CTDP1: variants seen among roughly 807,000 people sequenced by gnomAD.
The protein encoded by CTDP1 is RNA polymerase II subunit A C-terminal domain phosphatase.
In CTDP1, 47 loss-of-function variants were observed where a neutral mutation model predicts 91.8. That is an observed-to-expected ratio of 0.51 (90% CI 0.41 to 0.65). The LOEUF (loss-of-function observed/expected upper bound fraction) is 0.65, where lower values mean the gene tolerates loss of function less well. CTDP1 is among the 30% of genes least tolerant of loss of function. The pLI is 0.00. For synonymous variants in CTDP1, 656 were observed against 598.5 expected, an observed-to-expected ratio of 1.10 and a Z score of -1.40; for missense variants, 1,272 against 1,373.7, an observed-to-expected ratio of 0.93 and a Z score of 1.17.
At chr18:79,679,248 G>A, upstream of CTDP1, 1 of 370,626 alleles carries the variant, frequency 2.7e-6, no homozygotes, top group South Asian at 1.9e-5. Context: ...CGGAGGAAGA[G>A]AAGACCGCAA....
At chr18:79,733,181 G>T (rs2086599231) in intron 11 of CTDP1, among the ~76,000 whole-genome samples, 1 of 152,100 alleles carries the variant, frequency 6.6e-6, no homozygotes, top group Non-Finnish European at 1.5e-5. Context: ...CAGGACGGGT[G>T]TGCGTTTGTC....
rs761534995 is a variant in CTDP1, at chr18:79,713,101, G to A, written c.993G>A (p.Ala331=). The A allele has an allele frequency of 1.9e-5, 30 of 1,613,958 alleles. No individual in the cohort carries two copies. Among genetic ancestry groups the A allele is most frequent in the African/African-American group, 9.3e-5 (7 of 74,980 alleles). Reference sequence around the variant, plus strand: ...TCCAGGGCACGGGTGATATGAATGCGCCCCCTGGGTCCCGAGAATCTCAGA... The same window carrying A: ...TCCAGGGCACGGGTGATATGAATGCACCCCCTGGGTCCCGAGAATCTCAGA... The part of the protein sequence containing the change: ...VYFQGTGDMN[A]PPGSRESQTR... The change falls in exon 7 of 13, where the codon GCG becomes GCA. Residue 331 remains alanine (A), a synonymous_variant. Coordinates refer to ENST00000613122, the MANE Select transcript of CTDP1 (RefSeq NM_004715.5). The surrounding 1 kb of genome is among the most constrained non-coding windows in gnomAD (Gnocchi z 4.7).
At chr18:79,679,319 C>T (rs1339119662), upstream of CTDP1, 3 of 429,496 alleles carry the variant, frequency 7.0e-6, no homozygotes, top group African/African-American at 2.0e-5. Flanking sequence ...ACCAGGACGC[C>T]GACAGCCTCA....
intron 1 of CTDP1, among the ~76,000 whole-genome samples, chr18:79,692,215 C>T (rs1450371385): frequency 3.3e-5 from 5 of 152,024 alleles, no homozygotes; most frequent in Admixed American, 6.5e-5. Context: ...GCAGAACACA[C>T]TCTGCAGGCG....
chr18:79,708,335 C>T lies in CTDP1; in HGVS notation c.773-2011C>T, dbSNP rs1305214452. 3.3e-5 allele frequency among the ~76,000 whole-genome samples: 5 copies of T among 152,238 alleles called. No homozygotes were observed. In the South Asian group the frequency reaches 8.3e-4, roughly 25 times the overall value. The stretch of plus-strand genomic sequence containing the variant: ...TATCAAAAACAGCAAATGTGTTTCT[C>T]GCATTTGTGATCTCAGAGGTGGTGG... On this transcript the variant is annotated intron_variant, in intron 5 of 12. Transcript: ENST00000613122.
At position 79,713,191 on chromosome 18, in the gene CTDP1, T is replaced by C. The variant is rs577573163; in HGVS notation, c.1030+53T>C. 3 of 1,543,016 alleles carry C rather than the reference T, an allele frequency of 1.9e-6. No homozygotes were observed. In the South Asian group the frequency reaches 3.4e-5, roughly 18 times the overall value. ...GAAGAATTCACATTTGCTTATTGTT[T>C]AGCTCTTCTTATTTCTTATCTCTGT... On this transcript the variant is annotated intron_variant, in intron 7 of 12. Coordinates refer to ENST00000613122, the MANE Select transcript of CTDP1 (RefSeq NM_004715.5). The surrounding 1 kb of genome is among the most constrained non-coding windows in gnomAD (Gnocchi z 4.7).
intron 10 of CTDP1, among the ~76,000 whole-genome samples, chr18:79,722,655 G>T (rs2122695401): frequency 6.6e-6 from 1 of 152,298 alleles, no homozygotes; most frequent in South Asian, 2.1e-4. Flanking sequence ...CCCTTCACTT[G>T]TACGTGTTGG....
At chr18:79,742,181 TGAGAGAGA>T (rs35935192) in intron 12 of CTDP1, among the ~76,000 whole-genome samples, 1,535 of 99,956 alleles carry the variant, frequency 0.015, 30 homozygotes, top group Non-Finnish European at 0.027. Flanking sequence ...GCATGAAGCA[TGAGAGAGA>T]GAGAGAGAGA....
At chr18:79,738,539 T>C (rs1370536631) in intron 12 of CTDP1, among the ~76,000 whole-genome samples, 1 of 152,238 alleles carries the variant, frequency 6.6e-6, no homozygotes, top group Non-Finnish European at 1.5e-5. Flanking sequence ...CTGGTGTCTG[T>C]GGTGAAGAAG....
chr18:79,717,688 C>G lies in CTDP1; in HGVS notation c.2210+12C>G, dbSNP rs772810888. 1.1e-5 allele frequency: 18 copies of G among 1,613,892 alleles called. No homozygotes were observed. The highest frequency in any genetic ancestry group is 1.4e-5 in the Non-Finnish European group (17 of 1,179,988). Reference sequence around the variant, plus strand: ...ACCAAGGCACAGAGGTGGGTCCTCGCTGCACCCAGCAGGTCCGTGCCAGGC... The same window carrying G: ...ACCAAGGCACAGAGGTGGGTCCTCGGTGCACCCAGCAGGTCCGTGCCAGGC... On this transcript the variant is annotated intron_variant, in intron 9 of 12. Transcript: ENST00000613122.
At chr18:79,716,340 G>T (rs1599257389) in intron 8 of CTDP1, among the ~76,000 whole-genome samples, 1 of 152,144 alleles carries the variant, frequency 6.6e-6, no homozygotes, top group Non-Finnish European at 1.5e-5. Flanking sequence ...CTTATTTGAG[G>T]CCACGGCTCT....
intron 11 of CTDP1, among the ~76,000 whole-genome samples, chr18:79,733,754 C>T (rs1319482738): frequency 6.6e-6 from 1 of 152,194 alleles, no homozygotes; most frequent in African/African-American, 2.4e-5. Context: ...GCCGTCCCAC[C>T]TCACTCCAGC....
Position 79,715,030 on chromosome 18 carries a change from C to A in CTDP1, c.1570C>A (p.Pro524Thr). 1 of 1,604,802 alleles carries A rather than the reference C, an allele frequency of 6.2e-7. No individual in the cohort carries two copies. ...PGEAEPGAHA[P>T]DKEPELGGQE... ...AGAGGCCGAGCCTGGCGCGCATGCC[C>A]CGGACAAGGAGCCTGAGCTGGGTGG... The change falls in exon 8 of 13, where the codon CCG becomes ACG. Residue 524 changes from proline to threonine, a missense_variant. By Grantham distance (38) the Pro-to-Thr change is conservative (BLOSUM62 -1). This residue lies in a region of CTDP1 where 881 missense variants were observed against 911.6 expected (regional missense o/e 0.97). Transcript: ENST00000613122.
intron 1 of CTDP1, among the ~76,000 whole-genome samples, chr18:79,693,969 G>T (rs1264294398): frequency 6.6e-6 from 1 of 152,222 alleles, no homozygotes; most frequent in African/African-American, 2.4e-5. Context: ...CAGTGGGCAT[G>T]GAGGATGTGG....
At chr18:79,710,963 C>G (rs1480602512) in intron 6 of CTDP1, among the ~76,000 whole-genome samples, 1 of 152,140 alleles carries the variant, frequency 6.6e-6, no homozygotes, top group Non-Finnish European at 1.5e-5. Flanking sequence ...CACTGTCTCC[C>G]AGGTGCCTGA....
chr18:79,729,019 A>G lies in CTDP1; in HGVS notation c.2530A>G (p.Met844Val), dbSNP rs145987264. 1.2e-6 allele frequency: 2 copies of G among 1,613,976 alleles called. No individual in the cohort carries two copies. The highest frequency in any genetic ancestry group is 8.5e-7 in the Non-Finnish European group (1 of 1,180,050). The change falls in exon 11 of 13, where the codon ATG (methionine) becomes GTG (valine). Residue 844 changes from methionine to valine, a missense_variant. By Grantham distance (21) the Met-to-Val change is conservative. Coordinates refer to ENST00000613122, the MANE Select transcript of CTDP1 (RefSeq NM_004715.5). ...RKRQPSMSET[M>V]PLYTLCKEDL... ...GCGACAGCCCAGTATGTCTGAGACA[A>G]TGCCGCTGTACACTCTTTGTAAGGA...
intron 12 of CTDP1, among the ~76,000 whole-genome samples, chr18:79,740,237 G>A (rs893678323): frequency 3.3e-5 from 5 of 152,174 alleles, no homozygotes; most frequent in South Asian, 2.1e-4. Context: ...CCTGCACCAC[G>A]CCTGCCGTTT....
At chr18:79,711,505 C>T (rs2086082764) in intron 6 of CTDP1, among the ~76,000 whole-genome samples, 2 of 152,078 alleles carry the variant, frequency 1.3e-5, no homozygotes. Context: ...AGGTGGCAGT[C>T]GAAAGGACCC....
At chr18:79,679,315 A>C, upstream of CTDP1, 1 of 426,054 alleles carries the variant, frequency 2.3e-6, no homozygotes, top group South Asian at 1.6e-5. Flanking sequence ...GGCCACCAGG[A>C]CGCCGACAGC....
Sources: gnomAD v4.1 joint callset for allele counts (sites outside exome capture counted in the v4.1 genomes callset) on GRCh38, gnomAD v4.1.1 for gene constraint, gnomAD v4.1.1 regional missense constraint, Gnocchi (gnomAD v3.1) non-coding constraint, MANE v1.5 for transcripts, NCBI Gene and HGNC (gene_info 2026-07-23, HGNC 2026-07-21) for gene names.